The following SUCLG2 variants were observed in gnomAD, a reference collection of about 807,000 sequenced individuals.
The protein encoded by SUCLG2 is succinate-CoA ligase GDP-forming subunit beta.
SUCLG2 carries 42 observed loss-of-function variants against 47.9 expected under a neutral mutation model. The observed-to-expected ratio is 0.88, with a 90% CI of 0.69 to 1.14. The LOEUF (loss-of-function observed/expected upper bound fraction) is 1.14, where lower values mean the gene tolerates loss of function less well. Among genes scored for constraint, SUCLG2 ranks in the 50% most tolerant of loss-of-function variants. The probability of loss-of-function intolerance (pLI) is 0.00; values close to 1 mark genes in which losing one functional copy is unlikely to be tolerated. For missense variants in SUCLG2, 571 were observed against 525.9 expected (o/e 1.09, Z -0.84); for synonymous variants, 195 against 197.3 (o/e 0.99, Z 0.10).
chr3:67,603,445 C>A (rs996956826), intron 2 of SUCLG2, among the ~76,000 whole-genome samples: 2 of 151,990 alleles, frequency 1.3e-5, no homozygotes, highest in Non-Finnish European at 2.9e-5. Context: ...TTACATAATA[C>A]CAAAAGAACA....
chr3:67,500,798 G>A (rs1207254068), intron 7 of SUCLG2, among the ~76,000 whole-genome samples: 1 of 152,152 alleles, frequency 6.6e-6, no homozygotes, highest in Non-Finnish European at 1.5e-5. Context: ...ACTTCCTAAG[G>A]GAAGAGTTTC....
Position 67,616,227 on chromosome 3 carries a change from C to T in SUCLG2, c.85-6631G>A, listed in dbSNP as rs141143919. Among the ~76,000 whole-genome samples the T allele has an allele frequency of 1.6e-3, 244 of 152,182 alleles. 1 individual carries two copies. The highest frequency in any genetic ancestry group is 5.7e-3 in the African/African-American group (235 of 41,506). On this transcript the variant is annotated intron_variant, in intron 1 of 10. Coordinates refer to ENST00000307227, the MANE Select transcript of SUCLG2 (RefSeq NM_003848.4). ...GCATGACTGAGAAATAAACGTTTGACGTGTTAACCACTGAGATCTTAGGAA... is the reference window on the plus strand; with the variant it reads ...GCATGACTGAGAAATAAACGTTTGATGTGTTAACCACTGAGATCTTAGGAA...
intron 2 of SUCLG2, among the ~76,000 whole-genome samples, chr3:67,568,214 A>C (rs572093078): frequency 6.6e-6 from 1 of 152,354 alleles, no homozygotes; most frequent in Non-Finnish European, 1.5e-5. Flanking sequence ...CAAGAGAATA[A>C]GGAGAATCCA....
chr3:67,528,263 G>C (rs1392741970), intron 3 of SUCLG2, 41 bp from the exon 4 acceptor site: 1 of 1,570,700 alleles, frequency 6.4e-7, no homozygotes, highest in Admixed American at 1.7e-5. Flanking sequence ...AATGTTTGTT[G>C]AAAATCATTT....
intron 9 of SUCLG2, chr3:67,408,770 T>G (rs1207601902): frequency 7.4e-7 from 1 of 1,346,342 alleles, no homozygotes; most frequent in African/African-American, 1.5e-5. Flanking sequence ...GCTAAAATTA[T>G]GTATTATAAC....
intron 9 of SUCLG2, among the ~76,000 whole-genome samples, chr3:67,417,804 G>A (rs1237834466): frequency 1.3e-5 from 2 of 152,142 alleles, no homozygotes; most frequent in Non-Finnish European, 2.9e-5. Context: ...AGGACCTGAG[G>A]GTTCAGCCAC....
intron 2 of SUCLG2, among the ~76,000 whole-genome samples, chr3:67,556,559 G>A (rs886111363): frequency 1.3e-5 from 2 of 152,118 alleles, no homozygotes; most frequent in South Asian, 4.2e-4. Context: ...AAGAGCGGGA[G>A]CCCTGAGAGA....
At chr3:67,419,483 T>G (rs1398773710) in intron 9 of SUCLG2, among the ~76,000 whole-genome samples, 1 of 152,166 alleles carries the variant, frequency 6.6e-6, no homozygotes, top group East Asian at 1.9e-4. Flanking sequence ...CAAAAAATTA[T>G]GGTCCTTTAT....
rs748534811 is a variant in SUCLG2, at chr3:67,495,952, A to G, written c.920-12T>C. On this transcript the variant is annotated splice_polypyrimidine_tract_variant and intron_variant, in intron 8 of 10. Transcript: ENST00000307227. ...CCCAGCACCATTCACTGTGAAATGC[A>G]AATGGGACACAAGACAGGCTACATT... 1.2e-6 allele frequency: 2 copies of G among 1,613,814 alleles called. No homozygotes were observed. The highest frequency in any genetic ancestry group is 1.7e-6 in the Non-Finnish European group (2 of 1,179,828).
chr3:67,533,202 A>AT (rs1706447741), intron 2 of SUCLG2, among the ~76,000 whole-genome samples: 1 of 152,286 alleles, frequency 6.6e-6, no homozygotes, highest in East Asian at 1.9e-4. Flanking sequence ...ATTTTCAACT[A>AT]TTTTTTAAAA....
chr3:67,391,957 G>A (rs1030987206), intron 10 of SUCLG2, among the ~76,000 whole-genome samples: 1 of 152,194 alleles, frequency 6.6e-6, no homozygotes, highest in Non-Finnish European at 1.5e-5. Flanking sequence ...CAGCCTGTCT[G>A]AGGTCGTTCT....
intron 2 of SUCLG2, among the ~76,000 whole-genome samples, chr3:67,592,095 T>A (rs910779086): frequency 4.2e-4 from 64 of 152,336 alleles, no homozygotes; most frequent in African/African-American, 1.5e-3. Context: ...TTAGTTCCTT[T>A]CATAGATGGG....
rs1575654717 is a variant in SUCLG2, at chr3:67,375,492, C to A, written c.*252G>T. ...ACCACTCCCCAAAGTCTGCAAAACA[C>A]TGCCTACTGGGCAGGCTTACAGTGA... On this transcript the variant is annotated 3_prime_UTR_variant, in exon 11 of 11. Transcript: ENST00000307227. 2.5e-6 allele frequency: 3 copies of A among 1,179,248 alleles called. No individual in the cohort carries two copies. In the East Asian group the frequency reaches 1.3e-4, roughly 52 times the overall value. The allele number at this position is 1,179,248 out of a possible 1,614,324, so 73.0% of individuals were successfully genotyped here.
In SUCLG2 at chr3:67,464,728, G is replaced by A. The variant is rs1364688619; in HGVS notation, c.1062+31070C>T. On this transcript the variant is annotated intron_variant, in intron 9 of 10. Transcript: ENST00000307227. ...CATTTATTTGTTTTTCTCTAAAAGT[G>A]ACCTCCATATATTAACAGATGCCCT... 2.0e-5 allele frequency among the ~76,000 whole-genome samples: 3 copies of A among 152,280 alleles called. No individual in the cohort carries two copies. The East Asian group carries it at 5.8e-4, about 29-fold the overall frequency.
At chr3:67,362,447 A>T (rs1701818378) in intron 10 of SUCLG2, among the ~76,000 whole-genome samples, 1 of 152,124 alleles carries the variant, frequency 6.6e-6, no homozygotes, top group Non-Finnish European at 1.5e-5. Flanking sequence ...ATATATTTTC[A>T]TGTATTTGTG....
chr3:67,635,116 T>TCA (rs1291914957), intron 1 of SUCLG2, among the ~76,000 whole-genome samples: 1 of 152,182 alleles, frequency 6.6e-6, no homozygotes, highest in Non-Finnish European at 1.5e-5. Flanking sequence ...TCCAACATCA[T>TCA]CATGAAGAGC....
At position 67,571,900 on chromosome 3, in the gene SUCLG2, C is replaced by T. The variant is rs188178635; in HGVS notation, c.226+37555G>A. 1.3e-4 allele frequency among the ~76,000 whole-genome samples: 20 copies of T among 152,300 alleles called. No homozygotes were observed. The East Asian group carries it at 3.7e-3, about 28-fold the overall frequency. On this transcript the variant is annotated intron_variant, in intron 2 of 10. Transcript: ENST00000307227. ...ATGTTGCTCTTTCCTTCCATTATCACCACTTATGGGTGGCTTCCTTGTGTG... is the reference window on the plus strand; with the variant it reads ...ATGTTGCTCTTTCCTTCCATTATCATCACTTATGGGTGGCTTCCTTGTGTG...
At chr3:67,485,050 T>C (rs915715003) in intron 9 of SUCLG2, among the ~76,000 whole-genome samples, 2 of 152,298 alleles carry the variant, frequency 1.3e-5, no homozygotes, top group Admixed American at 1.3e-4. Context: ...AGGAAGACAT[T>C]GAACAGGAAG....
intron 2 of SUCLG2, among the ~76,000 whole-genome samples, chr3:67,571,005 A>G (rs1413667593): frequency 1.3e-5 from 2 of 152,170 alleles, no homozygotes; most frequent in African/African-American, 2.4e-5. Context: ...TGCAGTTTGG[A>G]TAATTCCATG....
Sources: gnomAD v4.1 joint callset for allele counts (sites outside exome capture counted in the v4.1 genomes callset) on GRCh38, gnomAD v4.1.1 for gene constraint, MANE v1.5 for transcripts, NCBI Gene and HGNC (gene_info 2026-07-23, HGNC 2026-07-21) for gene names.